Variants in GABBR2 observed in about 807,000 individuals in gnomAD.
GABBR2 encodes gamma-aminobutyric acid type B receptor subunit 2, also known as G-protein coupled receptor 51.
GABBR2 carries 23 observed loss-of-function variants against 105.6 expected under a neutral mutation model. That is an observed-to-expected ratio of 0.22 (90% CI 0.16 to 0.31). GABBR2 has a LOEUF of 0.31. GABBR2 is among the 10% of genes least tolerant of loss of function. GABBR2 has a pLI of 1.00. For synonymous variants in GABBR2, 478 were observed against 499.7 expected, an observed-to-expected ratio of 0.96 and a Z score of 0.58; for missense variants, 734 against 1,245.5, an observed-to-expected ratio of 0.59 and a Z score of 6.18.
intron 7 of GABBR2, among the ~76,000 whole-genome samples, chr9:98,408,688 G>A (rs1832531422): frequency 6.6e-6 from 1 of 152,196 alleles, no homozygotes; most frequent in South Asian, 2.1e-4. Context: ...TATTTGATTA[G>A]GAGGGATAGC....
chr9:98,301,864 A>G (rs73490784), intron 16 of GABBR2, among the ~76,000 whole-genome samples: 11,957 of 152,068 alleles, frequency 0.079, 1,606 homozygotes, highest in African/African-American at 0.27. Context: ...ATGGTGGGTT[A>G]CCTCATCCTA....
At chr9:98,381,870 T>C (rs1007724977) in intron 11 of GABBR2, among the ~76,000 whole-genome samples, 1 of 152,122 alleles carries the variant, frequency 6.6e-6, no homozygotes, top group South Asian at 2.1e-4. Flanking sequence ...ACTCCCAGAA[T>C]AGAACATCAG....
chr9:98,675,032 G>T (rs933741265), intron 1 of GABBR2, among the ~76,000 whole-genome samples: 1 of 152,184 alleles, frequency 6.6e-6, no homozygotes, highest in African/African-American at 2.4e-5. Flanking sequence ...TGGAAACTGA[G>T]GTTCACAGGA....
rs1208326242 is a variant in GABBR2, at chr9:98,548,222, A to C, written c.460-6179T>G. On this transcript the variant is annotated intron_variant, in intron 2 of 18. Coordinates refer to ENST00000259455, the MANE Select transcript of GABBR2 (RefSeq NM_005458.8). ...TCAGGCTGGGCTTATCAAGAGACAC[A>C]TGTGGACGGCACTTGGCCCTGTTTT... 1.6e-5 allele frequency among the ~76,000 whole-genome samples: 2 copies of C among 121,442 alleles called. 1 individual carries two copies. The highest frequency in any genetic ancestry group is 3.7e-5 in the Non-Finnish European group (2 of 54,174). The allele number at this position is 121,442 out of a possible 152,430, so 79.7% of individuals were successfully genotyped here.
rs1221673845 is a variant in GABBR2 at position 98,549,029 on chromosome 9, G to T, written c.460-6986C>A. On this transcript the variant is annotated intron_variant, in intron 2 of 18. Coordinates refer to ENST00000259455, the MANE Select transcript of GABBR2 (RefSeq NM_005458.8). ...CAGGTCACTGCAACCTCCGCCTCCC[G>T]ATTGTTCAAGCGATTCTCCTGCCTC... is the stretch of plus-strand genomic sequence containing the variant. Among the ~76,000 whole-genome samples the T allele has an allele frequency of 1.6e-5, 2 of 121,348 alleles. 1 individual carries two copies. The highest frequency in any genetic ancestry group is 3.7e-5 in the Non-Finnish European group (2 of 53,908). The allele number at this position is 121,348 out of a possible 152,430, so 79.6% of individuals were successfully genotyped here. A position where few individuals can be genotyped will look rare whatever the true frequency, so the allele number is the denominator to read the frequency against.
chr9:98,578,196 A>C, intron 1 of GABBR2, 124 bp from the exon 2 acceptor site: 1 of 1,049,572 alleles, frequency 9.5e-7, no homozygotes, highest in Non-Finnish European at 1.4e-6. Flanking sequence ...CATGGTGGGG[A>C]GTCTCCTTAA....
intron 1 of GABBR2, among the ~76,000 whole-genome samples, chr9:98,639,545 A>T (rs146189642): frequency 1.4e-3 from 208 of 152,216 alleles, no homozygotes; most frequent in African/African-American, 4.8e-3. Context: ...TTAACCTGGC[A>T]TAAATTGTAG....
chr9:98,689,910 A>G (rs574343412), intron 1 of GABBR2, among the ~76,000 whole-genome samples: 11 of 152,212 alleles, frequency 7.2e-5, no homozygotes, highest in Admixed American at 6.5e-5. Context: ...ACTATAGAGA[A>G]TGAAAGAGTC....
chr9:98,468,659 C>T (rs942269805), intron 6 of GABBR2, among the ~76,000 whole-genome samples: 1 of 152,174 alleles, frequency 6.6e-6, no homozygotes, highest in African/African-American at 2.4e-5. Flanking sequence ...TGTAATAACT[C>T]CACACCATAG....
chr9:98,368,813 C>T (rs1327610085), intron 12 of GABBR2, among the ~76,000 whole-genome samples: 1 of 152,200 alleles, frequency 6.6e-6, no homozygotes, highest in Admixed American at 6.5e-5. Flanking sequence ...CCAGAAGCCA[C>T]CTAGGCCAGT....
intron 7 of GABBR2, among the ~76,000 whole-genome samples, chr9:98,420,609 C>A (rs1254113064): frequency 6.6e-6 from 1 of 152,222 alleles, no homozygotes; most frequent in Non-Finnish European, 1.5e-5. Flanking sequence ...CTATAGATAA[C>A]CACAGCACAA....
intron 3 of GABBR2, among the ~76,000 whole-genome samples, chr9:98,501,362 G>T (rs947951585): frequency 5.3e-5 from 8 of 151,986 alleles, no homozygotes; most frequent in Non-Finnish European, 1.2e-4. Context: ...ACGGGGTTTC[G>T]CCATGTTGGC....
intron 7 of GABBR2, among the ~76,000 whole-genome samples, chr9:98,431,450 T>G (rs1356688626): frequency 6.6e-6 from 1 of 152,012 alleles, no homozygotes; most frequent in African/African-American, 2.4e-5. Flanking sequence ...TTCTCAAAAA[T>G]TATTCGTTGA....
intron 6 of GABBR2, among the ~76,000 whole-genome samples, chr9:98,459,563 TA>T (rs1386516449): frequency 6.6e-6 from 1 of 152,176 alleles, no homozygotes; most frequent in African/African-American, 2.4e-5. Context: ...AAGGGAACCA[TA>T]AAAAAGTGAG....
intron 6 of GABBR2, among the ~76,000 whole-genome samples, chr9:98,468,825 G>A (rs111353865): frequency 2.0e-5 from 3 of 152,284 alleles, no homozygotes; most frequent in African/African-American, 4.8e-5. Context: ...TGTGTGTCAC[G>A]TAACAACAGA....
chr9:98,628,802 G>C (rs974631125), intron 1 of GABBR2, among the ~76,000 whole-genome samples: 1 of 152,056 alleles, frequency 6.6e-6, no homozygotes, highest in Non-Finnish European at 1.5e-5. Flanking sequence ...TCCCCCTCCA[G>C]CCAGCTTCTC....
chr9:98,499,908 C>T (rs1349774940), intron 3 of GABBR2, among the ~76,000 whole-genome samples: 2 of 152,154 alleles, frequency 1.3e-5, no homozygotes, highest in Admixed American at 6.5e-5. Context: ...AAAAATTAGC[C>T]AGGCATTAGT....
At chr9:98,498,519 GACAAA>G (rs1373972666) in intron 3 of GABBR2, among the ~76,000 whole-genome samples, 7 of 152,234 alleles carry the variant, frequency 4.6e-5, no homozygotes. Flanking sequence ...AAGGAAGGGA[GACAAA>G]ACAGACTGTG....
chr9:98,414,827 G>A (rs569846245), intron 7 of GABBR2, among the ~76,000 whole-genome samples: 28 of 152,068 alleles, frequency 1.8e-4, no homozygotes, highest in Non-Finnish European at 2.9e-4. Flanking sequence ...ATGCTTCCCC[G>A]TTTTCCCCCC....
Sources: gnomAD v4.1 joint callset for allele counts (sites outside exome capture counted in the v4.1 genomes callset) on GRCh38, gnomAD v4.1.1 for gene constraint, MANE v1.5 for transcripts, NCBI Gene and HGNC (gene_info 2026-07-23, HGNC 2026-07-21) for gene names.